Variants in SYT3 observed in about 807,000 individuals in gnomAD.
The protein encoded by SYT3 is synaptotagmin 3.
A neutral mutation model predicts 50.6 loss-of-function variants in SYT3; 25 were observed. The observed-to-expected ratio is 0.49, with a 90% CI of 0.36 to 0.69. The LOEUF is 0.69. Among genes scored for constraint, SYT3 ranks in the 30% least tolerant of loss-of-function variants. The pLI is 0.00. For synonymous variants in SYT3, 323 were observed against 353.9 expected, an observed-to-expected ratio of 0.91 and a Z score of 0.98; for missense variants, 589 against 793.6, an observed-to-expected ratio of 0.74 and a Z score of 3.10.
intron 2 of SYT3, among the ~76,000 whole-genome samples, chr19:50,638,613 AC>A (rs1373028748): frequency 6.6e-6 from 1 of 152,144 alleles, no homozygotes; most frequent in Admixed American, 6.5e-5. Flanking sequence ...TAATTAATTC[AC>A]GGGGGCTTGA....
chr19:50,637,188 A>G lies in SYT3; in HGVS notation c.148+76T>C. ...GGGACTGACCCCACAAGCAATGGAA[A>G]GCTGAGCAGTTCTGCTCCGAGTCTC... On this transcript the variant is annotated intron_variant, in intron 3 of 10. Transcript: ENST00000600079. This position sits in a 1 kb window ranked among gnomAD's most constrained non-coding sequence, Gnocchi z 4.9. 3.2e-6 allele frequency: 5 copies of G among 1,543,952 alleles called. No homozygotes were observed. The highest frequency in any genetic ancestry group is 4.4e-6 in the Non-Finnish European group (5 of 1,130,568).
chr19:50,625,234 G>T lies in SYT3; in HGVS notation c.1635C>A (p.His545Gln). ...CRVGPDAADP[H>Q]GREHWAEMLA... ...GCATCTCTGCCCAGTGCTCGCGGCC[G>T]TGCGGGTCGGCAGCGTCGGGGCCCA... Residue 545 changes from histidine (H) to glutamine (Q), a missense_variant, in exon 9 of 11, where the codon CAC becomes CAA. Around this residue, in one of 2 missense-constraint regions of SYT3, gnomAD observed 273 missense variants for 439.3 expected, o/e 0.62. Coordinates refer to ENST00000600079, the MANE Select transcript of SYT3 (RefSeq NM_001160329.2). This position sits in a 1 kb window ranked among gnomAD's most constrained non-coding sequence, Gnocchi z 7.5. The T allele has an allele frequency of 6.3e-7, 1 of 1,582,852 alleles. No individual in the cohort carries two copies. Among genetic ancestry groups the T allele is most frequent in the East Asian group, 2.3e-5 (1 of 43,750 alleles).
the SYT3 span, among the ~76,000 whole-genome samples, chr19:50,651,309 A>C: frequency 6.6e-6 from 1 of 152,324 alleles, no homozygotes; most frequent in African/African-American, 2.4e-5. Flanking sequence ...TAGGCCCTTC[A>C]TGGGAAACAT....
At position 50,629,886 on chromosome 19, in the gene SYT3, G is replaced by A; in HGVS notation, c.960C>T (p.Ile320=). The part of the protein sequence containing the change: ...LYGSDQLVVR[I]LQALDLPAKD... Reference sequence around the variant, plus strand: ...TGGCAGGGAGGTCCAGGGCCTGCAGGATCCTCACCACCAGCTGGTCCGAGC... The same window carrying A: ...TGGCAGGGAGGTCCAGGGCCTGCAGAATCCTCACCACCAGCTGGTCCGAGC... Residue 320 remains isoleucine, a synonymous_variant, in exon 5 of 11, where the codon ATC becomes ATT. Coordinates refer to ENST00000600079, the MANE Select transcript of SYT3 (RefSeq NM_001160329.2). The A allele has an allele frequency of 6.2e-7, 1 of 1,614,092 alleles. No individual in the cohort carries two copies. Among genetic ancestry groups the A allele is most frequent in the Non-Finnish European group, 8.5e-7 (1 of 1,179,996 alleles).
At chr19:50,633,069 ACTCTTGGGCTCAAGCAATC>A (rs1319865274) in intron 3 of SYT3, among the ~76,000 whole-genome samples, 1 of 152,090 alleles carries the variant, frequency 6.6e-6, no homozygotes, top group Non-Finnish European at 1.5e-5. Flanking sequence ...GCACCCTCGA[ACTCTTGGGCTCAAGCAATC>A]CTCTTACCTC....
chr19:50,643,611 G>A (rs563216817), upstream of SYT3, among the ~76,000 whole-genome samples: 12 of 152,144 alleles, frequency 7.9e-5, no homozygotes, highest in South Asian at 2.5e-3. Flanking sequence ...CACCGGACAG[G>A]GAGCCAGGAG....
rs896997842 is a variant in SYT3 at position 50,632,693 on chromosome 19, C to T, written c.267G>A (p.Ser89=). 3.1e-5 allele frequency: 49 copies of T among 1,588,426 alleles called. No homozygotes were observed. The highest frequency in any genetic ancestry group is 4.0e-5 in the African/African-American group (3 of 74,486). The part of the protein sequence containing the change: ...CWVPWRDKGG[S]AVGGGPLRKD... ...TGCGCAGGGGGCCACCGCCCACTGC[C>T]GAGCCTCCCTTGTCCCGCCAGGGCA... Residue 89 remains serine (S), a synonymous_variant, in exon 4 of 11, where the codon TCG becomes TCA. Coordinates refer to ENST00000600079, the MANE Select transcript of SYT3 (RefSeq NM_001160329.2). The surrounding 1 kb of genome is among the most constrained non-coding windows in gnomAD (Gnocchi z 4.7).
chr19:50,649,340 G>C, the SYT3 span: 1 of 1,095,942 alleles, frequency 9.1e-7, no homozygotes, highest in Non-Finnish European at 1.3e-6. Context: ...GGGCTTCAAA[G>C]AGGAGGTAGA....
rs779155379 is a variant in SYT3 at position 50,637,257 on chromosome 19, T to C, written c.148+7A>G. ...GGGGGCTGGCCAAGACAGGCAGGGG[T>C]GCTGACCTGCATCTGGACCCCGGGG... On this transcript the variant is annotated splice_region_variant and intron_variant, in intron 3 of 10. Transcript: ENST00000600079. The surrounding 1 kb of genome is among the most constrained non-coding windows in gnomAD (Gnocchi z 4.9). 1 of 1,610,222 alleles carries C rather than the reference T, an allele frequency of 6.2e-7. No homozygotes were observed. The highest frequency in any genetic ancestry group is 8.5e-7 in the Non-Finnish European group (1 of 1,178,744).
chr19:50,643,871 G>A (rs1388222263), upstream of SYT3, among the ~76,000 whole-genome samples: 2 of 152,160 alleles, frequency 1.3e-5, no homozygotes, highest in Non-Finnish European at 2.9e-5. Flanking sequence ...CATCCATTGT[G>A]CTGTGTGTTT....
chr19:50,633,664 T>A (rs1357760696), intron 3 of SYT3, among the ~76,000 whole-genome samples: 1 of 152,236 alleles, frequency 6.6e-6, no homozygotes, highest in African/African-American at 2.4e-5. Context: ...TTTGAAGGAA[T>A]GCAGAAGGTA....
the SYT3 span, chr19:50,655,932 C>T: frequency 0.88 from 840,940 of 955,742 alleles, 370,702 homozygotes; most frequent in Middle Eastern, 0.9. Flanking sequence ...AGTAACTCAA[C>T]ATCTGGCATA....
Position 50,632,515 on chromosome 19 carries a change from C to G in SYT3, c.445G>C (p.Gly149Arg), listed in dbSNP as rs1462267700. The change falls in exon 4 of 11, where the codon GGC becomes CGC. Residue 149 changes from glycine (G) to arginine (R), a missense_variant. This residue lies in a region of SYT3 where 316 missense variants were observed against 354.3 expected (regional missense o/e 0.89). Transcript: ENST00000600079. This position sits in a 1 kb window ranked among gnomAD's most constrained non-coding sequence, Gnocchi z 4.7. ...HPPFAELLEP[G>R]SLGGSDTPEP... ...GGGGTGTCAGAACCCCCCAGGCTGC[C>G]TGGCTCCAGCAGCTCAGCAAAGGGT... is the stretch of plus-strand genomic sequence containing the variant. The G allele has an allele frequency of 1.2e-6, 2 of 1,610,042 alleles. No homozygotes were observed. The highest frequency in any genetic ancestry group is 1.1e-5 in the South Asian group (1 of 90,926).
Position 50,630,013 on chromosome 19 carries a change from G to C in SYT3, c.833C>G (p.Thr278Ser). The C allele has an allele frequency of 6.2e-7, 1 of 1,613,970 alleles. No individual in the cohort carries two copies. The highest frequency in any genetic ancestry group is 8.5e-7 in the Non-Finnish European group (1 of 1,179,934). Residue 278 changes from threonine to serine, a missense_variant, in exon 5 of 11, where the codon ACT (threonine) becomes AGT (serine). Thr to Ser is a moderately conservative substitution (Grantham distance 58). Around this residue, in one of 2 missense-constraint regions of SYT3, gnomAD observed 273 missense variants for 439.3 expected, o/e 0.62. Transcript: ENST00000600079. Reference protein sequence around the residue: ...GQIKPELYQGTGPGGRRSGGG... With the variant: ...GQIKPELYQGSGPGGRRSGGG... ...ACCGCTCCGCCGGCCACCAGGGCCA[G>C]TCCCCTGGTACAGCTCTGGCTTAAT...
chr19:50,629,220 G>C, intron 6 of SYT3, 74 bp downstream of exon 6: 1 of 1,219,566 alleles, frequency 8.2e-7, no homozygotes, highest in Non-Finnish European at 1.1e-6. Flanking sequence ...TATGAACTCT[G>C]AGGGCAGGGG....
At chr19:50,646,233 T>C in the SYT3 span, among the ~76,000 whole-genome samples, 5 of 152,118 alleles carry the variant, frequency 3.3e-5, no homozygotes, top group Non-Finnish European at 5.9e-5. Flanking sequence ...GAAGGTAGCA[T>C]TGAGGAAGGC....
the SYT3 span, among the ~76,000 whole-genome samples, chr19:50,650,007 C>T: frequency 4.6e-5 from 7 of 152,172 alleles, no homozygotes; most frequent in African/African-American, 7.2e-5. Context: ...TCTCTGTCCC[C>T]GCAGCCCTGT....
chr19:50,630,137 T>C lies in SYT3; in HGVS notation c.709A>G (p.Thr237Ala). The part of the protein sequence containing the change: ...PALPRPLTQQ[T>A]LTSQPDPSSE... ...CTGGGGTCCGGCTGGGAGGTCAGAG[T>C]CTGCTGGGTGAGGGGTCGGGGCAGG... The change falls in exon 5 of 11, where the codon ACT becomes GCT. Residue 237 changes from threonine (T) to alanine (A), a missense_variant. Physicochemically the swap from Thr to Ala is moderately conservative, Grantham distance 58. Coordinates refer to ENST00000600079, the MANE Select transcript of SYT3 (RefSeq NM_001160329.2). The C allele has an allele frequency of 1.9e-6, 3 of 1,591,216 alleles. No homozygotes were observed. The highest frequency in any genetic ancestry group is 2.6e-6 in the Non-Finnish European group (3 of 1,168,748).
Position 50,629,386 on chromosome 19 carries a change from G to C in SYT3, c.1189C>G (p.Leu397Val). 6.2e-7 allele frequency: 1 copy of C among 1,613,982 alleles called. No individual in the cohort carries two copies. The highest frequency in any genetic ancestry group is 8.5e-7 in the Non-Finnish European group (1 of 1,179,936). ...YDFDRFSRHD[L>V]IGQVVLDNLL... ...TTGTCCAGCACCACCTGGCCGATGA[G>C]GTCGTGCCGCGAGAAGCGGTCAAAG... The change falls in exon 6 of 11, where the codon CTC becomes GTC. Residue 397 changes from leucine (L) to valine (V), a missense_variant. Physicochemically the swap from Leu to Val is conservative, Grantham distance 32 (BLOSUM62 1). Transcript: ENST00000600079.
Sources: allele counts gnomAD v4.1 joint callset (sites outside exome capture counted in the v4.1 genomes callset), GRCh38; gene constraint gnomAD v4.1.1; regional missense constraint gnomAD v4.1.1; non-coding constraint Gnocchi (gnomAD v3.1); transcripts MANE v1.5; gene names NCBI Gene and HGNC (gene_info 2026-07-23, HGNC 2026-07-21).